Variants in MTUS2 observed in about 807,000 individuals in gnomAD.
MTUS2 encodes microtubule-associated tumor suppressor candidate 2.
In MTUS2, 40 loss-of-function variants were observed where a neutral mutation model predicts 114.1. The ratio of observed to expected loss-of-function variants is 0.35; its 90% CI spans 0.27 to 0.46. The LOEUF (loss-of-function observed/expected upper bound fraction) is 0.46. Ranked by LOEUF, MTUS2 falls within the 20% of genes least tolerant of loss-of-function variation. MTUS2 has a pLI of 1.00. For synonymous variants in MTUS2, 688 were observed against 672.0 expected (o/e 1.02, Z -0.37); for missense variants, 1,679 against 1,705.4 (o/e 0.98, Z 0.27).
intron 5 of MTUS2, among the ~76,000 whole-genome samples, chr13:29,151,255 T>C (rs558855977): frequency 6.6e-6 from 1 of 152,244 alleles, no homozygotes; most frequent in Admixed American, 6.5e-5. Flanking sequence ...AGATCTTTTA[T>C]CTCCTTGGTT....
intron 4 of MTUS2, among the ~76,000 whole-genome samples, chr13:29,081,204 G>A (rs1889426317): frequency 6.6e-6 from 1 of 152,080 alleles, no homozygotes; most frequent in Non-Finnish European, 1.5e-5. Flanking sequence ...AACTTGCCTG[G>A]TTTGACTTTC....
At chr13:29,459,039 A>G (rs1293094823) in intron 9 of MTUS2, among the ~76,000 whole-genome samples, 1 of 152,232 alleles carries the variant, frequency 6.6e-6, no homozygotes, top group East Asian at 1.9e-4. Flanking sequence ...AAGAGAAAGC[A>G]AAGGGCCAGA....
chr13:28,942,197 A>G (rs1190751570), intron 2 of MTUS2, among the ~76,000 whole-genome samples: 2 of 152,162 alleles, frequency 1.3e-5, no homozygotes, highest in African/African-American at 4.8e-5. Context: ...GCACTTCACA[A>G]ACGAGGATAT....
chr13:29,268,417 G>C (rs978420678), intron 5 of MTUS2, among the ~76,000 whole-genome samples: 1 of 152,110 alleles, frequency 6.6e-6, no homozygotes, highest in African/African-American at 2.4e-5. Flanking sequence ...GTTTTACTCT[G>C]TGTGTGTGAA....
At chr13:29,462,470 A>G (rs1879570725) in intron 9 of MTUS2, among the ~76,000 whole-genome samples, 1 of 150,720 alleles carries the variant, frequency 6.6e-6, no homozygotes, top group Admixed American at 6.6e-5. Context: ...AGTTGGGGCC[A>G]TTGCAGTTAT....
intron 2 of MTUS2, among the ~76,000 whole-genome samples, chr13:28,895,180 A>T (rs1160330543): frequency 6.6e-6 from 1 of 152,172 alleles, no homozygotes. Context: ...CTATGTTTTT[A>T]TACCTCCCAG....
chr13:29,059,853 T>C (rs1191089599), intron 4 of MTUS2, among the ~76,000 whole-genome samples: 1 of 152,214 alleles, frequency 6.6e-6, no homozygotes, highest in Non-Finnish European at 1.5e-5. Flanking sequence ...TAGCTACCAC[T>C]GGCAAGGGTG....
In MTUS2 at chr13:29,492,733, T is replaced by TA. The variant is rs763138445; in HGVS notation, c.3579+16dup. On this transcript the variant is annotated intron_variant, in intron 12 of 15. Transcript: ENST00000612955. ...CTGTCATTGCAGGTTAGTATTTCTT[T>TA]AATTTTCTTACCTGGTATCGAGATA... 14 of 1,596,548 alleles carry TA rather than the reference T, an allele frequency of 8.8e-6. No homozygotes were observed. Among genetic ancestry groups the TA allele is most frequent in the Non-Finnish European group, 1.2e-5 (14 of 1,164,434 alleles).
chr13:29,495,110 G>A (rs1241346989), intron 12 of MTUS2, among the ~76,000 whole-genome samples: 7 of 149,638 alleles, frequency 4.7e-5, no homozygotes, highest in African/African-American at 1.2e-4. Context: ...CTTGAACCCC[G>A]GAGGCAGAGG....
intron 11 of MTUS2, among the ~76,000 whole-genome samples, chr13:29,491,838 T>G (rs572285042): frequency 1.4e-5 from 2 of 145,088 alleles, no homozygotes; most frequent in Admixed American, 6.9e-5. Flanking sequence ...GTGTGGTAGG[T>G]GTGTGTGTGT....
At chr13:28,963,377 AAAAG>A (rs1448445011) in intron 2 of MTUS2, among the ~76,000 whole-genome samples, 2 of 152,198 alleles carry the variant, frequency 1.3e-5, no homozygotes, top group African/African-American at 2.4e-5. Context: ...ACAAAACAAA[AAAAG>A]AAATAGAGTA....
chr13:29,465,864 T>TA (rs1566216609), intron 9 of MTUS2, among the ~76,000 whole-genome samples: 1 of 152,222 alleles, frequency 6.6e-6, no homozygotes, highest in East Asian at 1.9e-4. Context: ...CTGTCTTTGT[T>TA]ACTAAGTTAG....
intron 5 of MTUS2, among the ~76,000 whole-genome samples, chr13:29,182,754 T>C (rs1894058903): frequency 6.6e-6 from 1 of 152,218 alleles, no homozygotes; most frequent in Admixed American, 6.5e-5. Context: ...AATACCAGAA[T>C]ACGTTGGAAA....
At chr13:29,384,737 A>G (rs1872521064) in intron 8 of MTUS2, among the ~76,000 whole-genome samples, 1 of 152,190 alleles carries the variant, frequency 6.6e-6, no homozygotes, top group Non-Finnish European at 1.5e-5. Flanking sequence ...TTAACGAGAC[A>G]CAGGCTTTCC....
chr13:29,002,592 G>A (rs1365216565), intron 2 of MTUS2, among the ~76,000 whole-genome samples: 3 of 152,318 alleles, frequency 2.0e-5, no homozygotes, highest in Admixed American at 2.0e-4. Flanking sequence ...TAAAAAGTGA[G>A]ATGCAAGGGC....
chr13:29,014,603 A>G (rs1885988068), intron 2 of MTUS2, among the ~76,000 whole-genome samples: 1 of 152,170 alleles, frequency 6.6e-6, no homozygotes, highest in Admixed American at 6.5e-5. Flanking sequence ...GCTTTGACTG[A>G]GGGTAGAGGA....
chr13:28,910,980 AT>A (rs961007304), intron 2 of MTUS2, among the ~76,000 whole-genome samples: 1 of 135,336 alleles, frequency 7.4e-6, no homozygotes, highest in African/African-American at 2.8e-5. Flanking sequence ...GGTTCACACC[AT>A]TCTTCTGCCT....
At chr13:29,361,408 C>T (rs904241514) in intron 8 of MTUS2, among the ~76,000 whole-genome samples, 10 of 152,240 alleles carry the variant, frequency 6.6e-5, no homozygotes, top group Middle Eastern at 3.4e-3. Context: ...CTGATCTCTA[C>T]GCTATCTTTC....
At chr13:29,044,323 T>C (rs2138571884) in intron 4 of MTUS2, among the ~76,000 whole-genome samples, 1 of 152,324 alleles carries the variant, frequency 6.6e-6, no homozygotes, top group African/African-American at 2.4e-5. Context: ...TTTGGGTCTT[T>C]GTACATAGTG....
Sources: gnomAD v4.1 joint callset for allele counts (sites outside exome capture counted in the v4.1 genomes callset) on GRCh38, gnomAD v4.1.1 for gene constraint, MANE v1.5 for transcripts, NCBI Gene and HGNC (gene_info 2026-07-23, HGNC 2026-07-21) for gene names.